The following NFATC3 variants were observed in gnomAD, a reference collection of about 807,000 sequenced individuals.
NFATC3 encodes the protein nuclear factor of activated T cells 3, also known as nuclear factor of activated T-cells, cytoplasmic 3.
Under a neutral mutation model 98.6 loss-of-function variants are expected in NFATC3, and 46 were observed. The observed-to-expected ratio is 0.47, with a 90% CI of 0.37 to 0.60. The LOEUF (loss-of-function observed/expected upper bound fraction) is 0.60. NFATC3 is among the 20% of genes least tolerant of loss of function. The pLI is 0.00. For missense variants in NFATC3, 1,256 were observed against 1,295.5 expected (o/e 0.97, Z 0.47); for synonymous variants, 512 against 472.2 (o/e 1.08, Z -1.09).
chr16:68,169,568 ATAATT>A (rs2039364303), intron 5 of NFATC3, among the ~76,000 whole-genome samples: 1 of 152,202 alleles, frequency 6.6e-6, no homozygotes, highest in Admixed American at 6.5e-5. Flanking sequence ...AGTAATTTAA[ATAATT>A]TAAGTTCATA....
chr16:68,116,385 C>G (rs1483463102), intron 1 of NFATC3, among the ~76,000 whole-genome samples: 3 of 152,086 alleles, frequency 2.0e-5, no homozygotes, highest in African/African-American at 7.2e-5. Context: ...TAAAAACATT[C>G]ATAAGACAAC....
chr16:68,100,022 T>G (rs568734395), intron 1 of NFATC3, among the ~76,000 whole-genome samples: 1 of 152,300 alleles, frequency 6.6e-6, no homozygotes, highest in East Asian at 1.9e-4. Flanking sequence ...TGCCTGGCGA[T>G]CCTTCCAAGT....
intron 3 of NFATC3, among the ~76,000 whole-genome samples, chr16:68,140,089 C>T (rs1330786070): frequency 1.3e-5 from 2 of 152,132 alleles, no homozygotes; most frequent in Non-Finnish European, 2.9e-5. Context: ...CTCTGCCTCC[C>T]AGGTTTAAGC....
chr16:68,118,543 T>A (rs2036409287), intron 1 of NFATC3, among the ~76,000 whole-genome samples: 1 of 150,698 alleles, frequency 6.6e-6, no homozygotes, highest in Non-Finnish European at 1.5e-5. Context: ...TAACTCATTC[T>A]TCTTTTTCTC....
chr16:68,102,554 C>A (rs1033251385), intron 1 of NFATC3, among the ~76,000 whole-genome samples: 2 of 151,930 alleles, frequency 1.3e-5, no homozygotes, highest in African/African-American at 4.8e-5. Flanking sequence ...ATTCTTGATT[C>A]TTCATGTGTA....
intron 3 of NFATC3, chr16:68,138,870 A>G (rs1489914077): frequency 1.4e-5 from 14 of 1,030,370 alleles, no homozygotes; most frequent in Non-Finnish European, 1.6e-5. Context: ...CTCTAGAGCC[A>G]GACTGTTTTG....
intron 1 of NFATC3, among the ~76,000 whole-genome samples, chr16:68,107,344 T>C (rs1395954554): frequency 1.3e-5 from 2 of 152,226 alleles, no homozygotes; most frequent in African/African-American, 2.4e-5. Flanking sequence ...CCACAATGTT[T>C]GAACTAATTT....
chr16:68,167,938 T>C (rs760083830), intron 5 of NFATC3, among the ~76,000 whole-genome samples: 46 of 146,182 alleles, frequency 3.1e-4, no homozygotes, highest in Admixed American at 5.6e-4. Context: ...GTTCAAACGA[T>C]TCTCCTGCCT....
At chr16:68,217,069 G>C (rs926075073) in intron 9 of NFATC3, among the ~76,000 whole-genome samples, 1 of 151,892 alleles carries the variant, frequency 6.6e-6, no homozygotes, top group Non-Finnish European at 1.5e-5. Context: ...TGGAATTCAG[G>C]GTGAAATTTG....
chr16:68,179,900 A>G (rs1193361611), intron 6 of NFATC3, among the ~76,000 whole-genome samples: 4 of 152,232 alleles, frequency 2.6e-5, no homozygotes, highest in Non-Finnish European at 5.9e-5. Context: ...CATTAAGTGC[A>G]CAGTATGGGA....
At chr16:68,104,693 C>T (rs1314229145) in intron 1 of NFATC3, among the ~76,000 whole-genome samples, 2 of 138,272 alleles carry the variant, frequency 1.4e-5, no homozygotes, top group South Asian at 2.2e-4. Flanking sequence ...GCTCTGTCGC[C>T]CAGGCTGGAG....
intron 1 of NFATC3, among the ~76,000 whole-genome samples, chr16:68,098,965 A>T (rs529991893): frequency 1.3e-5 from 2 of 152,360 alleles, no homozygotes; most frequent in South Asian, 2.1e-4. Flanking sequence ...TCTCCCAACG[A>T]TAACATCTTG....
chr16:68,153,892 G>A lies in NFATC3; in HGVS notation c.1402-3977G>A, dbSNP rs559493969. Reference sequence around the variant, plus strand: ...CCTCCCAAAGTGCTTGGGATTACAGGTGTGAGCCACCGTGCCCGGCCCACA... The same window carrying A: ...CCTCCCAAAGTGCTTGGGATTACAGATGTGAGCCACCGTGCCCGGCCCACA... On this transcript the variant is annotated intron_variant, in intron 3 of 9. Transcript: ENST00000346183. Among the ~76,000 whole-genome samples the A allele has an allele frequency of 1.6e-3, 242 of 152,128 alleles. 2 individuals carry two copies. In the South Asian group the frequency reaches 0.03, roughly 19 times the overall value.
intron 3 of NFATC3, among the ~76,000 whole-genome samples, chr16:68,148,224 C>T (rs968587688): frequency 6.6e-6 from 1 of 152,124 alleles, no homozygotes; most frequent in Non-Finnish European, 1.5e-5. Flanking sequence ...CCATGTTGGT[C>T]AGGCTGGTCT....
chr16:68,122,007 G>A lies in NFATC3; in HGVS notation c.124G>A (p.Ala42Thr), dbSNP rs1468693919. 6 of 1,600,592 alleles carry A rather than the reference G, an allele frequency of 3.7e-6. No individual in the cohort carries two copies. The highest frequency in any genetic ancestry group is 5.1e-6 in the Non-Finnish European group (6 of 1,173,490). ...RPADLEPDDC[A>T]SIYIFNVDPP... ...CGTAGATCTTGAGCCAGATGATTGTGCATCCATTTACATCTTTAATGTAGA... is the reference window on the plus strand; with the variant it reads ...CGTAGATCTTGAGCCAGATGATTGTACATCCATTTACATCTTTAATGTAGA... Residue 42 changes from alanine (A) to threonine (T), a missense_variant, in exon 2 of 10, where the codon GCA (alanine) becomes ACA (threonine). Ala to Thr is a moderately conservative substitution (Grantham distance 58, BLOSUM62 0). Coordinates refer to ENST00000346183, the MANE Select transcript of NFATC3 (RefSeq NM_173165.3).
rs374889805 is a variant in NFATC3, at chr16:68,190,975, G to A, written c.2306G>A (p.Cys769Tyr). Reference sequence around the variant, plus strand: ...TCATCCCATCTGCCACAGTTGCAGTGTAGAGATGAGAGTGTTAGTAAAGAA... The same window carrying A: ...TCATCCCATCTGCCACAGTTGCAGTATAGAGATGAGAGTGTTAGTAAAGAA... The part of the protein sequence containing the change: ...VTSSHLPQLQ[C>Y]RDESVSKEQH... Residue 769 changes from cysteine (C) to tyrosine (Y), a missense_variant, in exon 9 of 10, where the codon TGT (cysteine) becomes TAT (tyrosine). Transcript: ENST00000346183. 15 of 1,614,096 alleles carry A rather than the reference G, an allele frequency of 9.3e-6. No homozygotes were observed. Among genetic ancestry groups the A allele is most frequent in the African/African-American group, 1.3e-5 (1 of 74,932 alleles).
Position 68,191,971 on chromosome 16 carries a change from G to C in NFATC3, c.3106+196G>C, listed in dbSNP as rs765627682. ...ACGCCTGTATCCCAGCACTTTGGAA[G>C]GCTGAGGCGGGTGGATCACAAGGTC... On this transcript the variant is annotated intron_variant, in intron 9 of 9. Transcript: ENST00000346183. The C allele has an allele frequency of 1.6e-4, 92 of 571,880 alleles. 2 individuals carry two copies. The highest frequency in any genetic ancestry group is 1.2e-3 in the South Asian group (59 of 47,882). 35.4% of individuals were successfully genotyped at this position (571,880 alleles called of 1,614,324 possible).
At chr16:68,123,366 A>C (rs1223744459) in intron 2 of NFATC3, among the ~76,000 whole-genome samples, 1 of 152,106 alleles carries the variant, frequency 6.6e-6, no homozygotes, top group African/African-American at 2.4e-5. Flanking sequence ...AATAAATTAC[A>C]TTTAAAAATC....
At chr16:68,095,005 A>T (rs1404985286) in intron 1 of NFATC3, among the ~76,000 whole-genome samples, 2 of 152,168 alleles carry the variant, frequency 1.3e-5, no homozygotes, top group Non-Finnish European at 2.9e-5. Context: ...ATTCTTAGCC[A>T]ACCAGACCTA....
Sources: gnomAD v4.1 joint callset for allele counts (sites outside exome capture counted in the v4.1 genomes callset) on GRCh38, gnomAD v4.1.1 for gene constraint, MANE v1.5 for transcripts, NCBI Gene and HGNC (gene_info 2026-07-23, HGNC 2026-07-21) for gene names.